The following KIAA0825 variants were observed in gnomAD, a reference collection of about 807,000 sequenced individuals.
The protein encoded by KIAA0825 is uncharacterized protein KIAA0825.
A neutral mutation model predicts 147.6 loss-of-function variants in KIAA0825; 119 were observed. The ratio of observed to expected loss-of-function variants is 0.81; its 90% CI spans 0.69 to 0.94. The LOEUF (loss-of-function observed/expected upper bound fraction) is 0.94. KIAA0825 is among the 40% of genes least tolerant of loss of function. The pLI, the probability that KIAA0825 is intolerant of heterozygous loss-of-function variation, is 0.00. For synonymous variants in KIAA0825, 470 were observed against 518.1 expected (o/e 0.91, Z 1.26); for missense variants, 1,381 against 1,472.7 (o/e 0.94, Z 1.02).
intron 2 of KIAA0825, among the ~76,000 whole-genome samples, chr5:94,564,993 CCTCTCT>C (rs1245913455): frequency 1.6e-5 from 2 of 125,862 alleles, no homozygotes; most frequent in Non-Finnish European, 3.4e-5. Flanking sequence ...CTTCTCTTCT[CCTCTCT>C]CTCTCTCTCC....
intron 1 of KIAA0825, among the ~76,000 whole-genome samples, chr5:94,588,723 A>G (rs1406507701): frequency 6.6e-6 from 1 of 152,244 alleles, no homozygotes; most frequent in Non-Finnish European, 1.5e-5. Flanking sequence ...ATGGTACTAT[A>G]GAGACACATG....
At chr5:94,534,261 A>G (rs1771524861) in intron 3 of KIAA0825, among the ~76,000 whole-genome samples, 2 of 152,176 alleles carry the variant, frequency 1.3e-5, no homozygotes, top group South Asian at 4.1e-4. Flanking sequence ...ATGACATACA[A>G]TTTTCTAAAA....
chr5:94,609,152 T>C (rs1300804155), intron 1 of KIAA0825, among the ~76,000 whole-genome samples: 2 of 152,178 alleles, frequency 1.3e-5, no homozygotes, highest in Admixed American at 1.3e-4. Flanking sequence ...GAAAAAGCCA[T>C]TTAAATAACT....
chr5:94,291,050 T>G (rs2150166635), intron 20 of KIAA0825, among the ~76,000 whole-genome samples: 1 of 152,314 alleles, frequency 6.6e-6, no homozygotes, highest in East Asian at 1.9e-4. Context: ...GTCAGATGGA[T>G]AGATTGCAAA....
chr5:94,229,584 G>T (rs1380939831), intron 20 of KIAA0825, among the ~76,000 whole-genome samples: 1 of 151,110 alleles, frequency 6.6e-6, no homozygotes, highest in Non-Finnish European at 1.5e-5. Context: ...TTGAAGGAGG[G>T]ACTCCTATTA....
intron 12 of KIAA0825, among the ~76,000 whole-genome samples, chr5:94,456,368 ACTACC>A (rs1182452725): frequency 6.6e-6 from 1 of 152,124 alleles, no homozygotes; most frequent in Non-Finnish European, 1.5e-5. Flanking sequence ...GTCTTCTCTG[ACTACC>A]CTTTCTAAAA....
chr5:94,203,859 G>A (rs1365843212), intron 20 of KIAA0825, among the ~76,000 whole-genome samples: 3 of 152,106 alleles, frequency 2.0e-5, no homozygotes, highest in Non-Finnish European at 4.4e-5. Flanking sequence ...CAAACTGGGA[G>A]CTTTGACAAT....
intron 20 of KIAA0825, among the ~76,000 whole-genome samples, chr5:94,306,126 T>C (rs1382960705): frequency 6.6e-6 from 1 of 151,670 alleles, no homozygotes; most frequent in Non-Finnish European, 1.5e-5. Context: ...AATAACTACA[T>C]ATAAAATAGC....
intron 20 of KIAA0825, among the ~76,000 whole-genome samples, chr5:94,291,621 TA>T (rs1369781927): frequency 2.6e-5 from 4 of 152,304 alleles, no homozygotes; most frequent in Middle Eastern, 3.4e-3. Context: ...ATATGAAATT[TA>T]AAATAGTTTT....
At chr5:94,560,637 GC>G (rs1314558060) in intron 2 of KIAA0825, among the ~76,000 whole-genome samples, 1 of 152,054 alleles carries the variant, frequency 6.6e-6, no homozygotes, top group Non-Finnish European at 1.5e-5. Context: ...GAAAATGTTC[GC>G]TGACCCCTGT....
chr5:94,340,469 G>C (rs1358820109), intron 20 of KIAA0825, among the ~76,000 whole-genome samples: 1 of 151,992 alleles, frequency 6.6e-6, no homozygotes, highest in African/African-American at 2.4e-5. Flanking sequence ...ACAAAATGAA[G>C]ACAAATTTTG....
intron 2 of KIAA0825, among the ~76,000 whole-genome samples, chr5:94,572,224 C>G (rs150173891): frequency 6.6e-6 from 1 of 152,172 alleles, no homozygotes; most frequent in African/African-American, 2.4e-5. Context: ...AACTGGCCAG[C>G]AGGGCTGGCA....
At chr5:94,386,961 A>T (rs1749233561) in intron 18 of KIAA0825, among the ~76,000 whole-genome samples, 1 of 152,162 alleles carries the variant, frequency 6.6e-6, no homozygotes, top group African/African-American at 2.4e-5. Context: ...AAAATATGTC[A>T]TTATAATCCC....
At chr5:94,156,498 A>G (rs115705437) in intron 20 of KIAA0825, among the ~76,000 whole-genome samples, 107 of 152,338 alleles carry the variant, frequency 7.0e-4, no homozygotes, top group African/African-American at 2.5e-3. Flanking sequence ...AGTACGTGAT[A>G]TGCACATAAA....
At chr5:94,307,569 G>A (rs2150191861) in intron 20 of KIAA0825, among the ~76,000 whole-genome samples, 1 of 151,734 alleles carries the variant, frequency 6.6e-6, no homozygotes, top group South Asian at 2.1e-4. Flanking sequence ...TCTCCAAAAT[G>A]CGATATGCTT....
chr5:94,427,889 A>G (rs978386368), intron 14 of KIAA0825, among the ~76,000 whole-genome samples: 1 of 152,274 alleles, frequency 6.6e-6, no homozygotes. Context: ...GGGTGCTCCA[A>G]TGTTGAGTGT....
rs77315573 is a variant in KIAA0825, at chr5:94,492,066, T to C, written c.971-7136A>G. Reference sequence around the variant, plus strand: ...AATCTGATTTTGAATTTAGAAAACATTTAACTCTTAGAAGCTAAAAGTTGG... The same window carrying C: ...AATCTGATTTTGAATTTAGAAAACACTTAACTCTTAGAAGCTAAAAGTTGG... On this transcript the variant is annotated intron_variant, in intron 5 of 20. Coordinates refer to ENST00000682413, the MANE Select transcript of KIAA0825 (RefSeq NM_001145678.3). Among the ~76,000 whole-genome samples the C allele has an allele frequency of 2.6e-5, 4 of 152,204 alleles. No homozygotes were observed. The East Asian group carries it at 5.8e-4, about 22-fold the overall frequency.
At chr5:94,471,828 C>T in intron 8 of KIAA0825, 97 bp from the exon 9 acceptor site, 1 of 1,113,862 alleles carries the variant, frequency 9.0e-7, no homozygotes, top group Non-Finnish European at 1.3e-6. Context: ...ATGAATTTGG[C>T]ATCAAACATA....
chr5:94,222,234 A>T (rs935618315), intron 20 of KIAA0825, among the ~76,000 whole-genome samples: 1 of 152,202 alleles, frequency 6.6e-6, no homozygotes, highest in East Asian at 1.9e-4. Context: ...CTGTAAGAGA[A>T]GATTAAAGGA....
Sources: gnomAD v4.1 joint callset for allele counts (sites outside exome capture counted in the v4.1 genomes callset) on GRCh38, gnomAD v4.1.1 for gene constraint, MANE v1.5 for transcripts, NCBI Gene and HGNC (gene_info 2026-07-23, HGNC 2026-07-21) for gene names.